Variants in GLI3 observed in about 807,000 individuals in gnomAD.
The protein encoded by GLI3 is GLI family zinc finger 3.
In GLI3, 20 loss-of-function variants were observed where a neutral mutation model predicts 100.8. The observed-to-expected ratio is 0.20, with a 90% CI of 0.14 to 0.29. GLI3 has a LOEUF of 0.29. Ranked by LOEUF, GLI3 falls within the 10% of genes least tolerant of loss-of-function variation. GLI3 has a pLI of 1.00. For missense variants in GLI3, 2,040 were observed against 2,128.5 expected (o/e 0.96, Z 0.82); for synonymous variants, 938 against 860.5 (o/e 1.09, Z -1.58).
chr7:41,971,540 G>C (rs1297101312), intron 13 of GLI3, among the ~76,000 whole-genome samples: 4 of 152,138 alleles, frequency 2.6e-5, no homozygotes, highest in Non-Finnish European at 5.9e-5. Flanking sequence ...TGAAAGAGTA[G>C]CAGAGCCCAC....
chr7:42,155,150 C>T (rs1469744781), intron 2 of GLI3, among the ~76,000 whole-genome samples: 2 of 152,162 alleles, frequency 1.3e-5, no homozygotes, highest in African/African-American at 2.4e-5. Flanking sequence ...AGAAAATGCT[C>T]TCCATCAGGC....
At chr7:42,193,051 G>C (rs1344815432) in intron 2 of GLI3, among the ~76,000 whole-genome samples, 1 of 152,092 alleles carries the variant, frequency 6.6e-6, no homozygotes, top group African/African-American at 2.4e-5. Flanking sequence ...CAAAAAAGGG[G>C]GGAAACGACC....
rs567043110 is a variant in GLI3, at chr7:42,111,324, G to A, written c.368-34467C>T. ...GCTCAGGTGAGGCAAGTTCAGCAGTGTGAGAGTGTTCTCATAGGTGCCAAG... is the reference window on the plus strand; with the variant it reads ...GCTCAGGTGAGGCAAGTTCAGCAGTATGAGAGTGTTCTCATAGGTGCCAAG... On this transcript the variant is annotated intron_variant, in intron 3 of 14. Transcript: ENST00000395925. Among the ~76,000 whole-genome samples the A allele has an allele frequency of 2.0e-5, 3 of 152,288 alleles. No homozygotes were observed. In the South Asian group the frequency reaches 6.2e-4, roughly 32 times the overall value.
At chr7:42,190,971 A>T (rs35691190) in intron 2 of GLI3, among the ~76,000 whole-genome samples, 76,293 of 151,352 alleles carry the variant, frequency 0.5, 22,071 homozygotes, top group African/African-American at 0.81. Flanking sequence ...TACTTTTTTT[A>T]AAAAAAAGAA....
At chr7:42,172,816 G>C in intron 2 of GLI3, 1 of 572,032 alleles carries the variant, frequency 1.7e-6, no homozygotes, top group Non-Finnish European at 3.1e-6. Context: ...CTCTCAAAGA[G>C]CCATTCACCT....
At chr7:42,254,009 C>T (rs1320190289) in intron 1 of GLI3, among the ~76,000 whole-genome samples, 4 of 152,042 alleles carry the variant, frequency 2.6e-5, no homozygotes, top group African/African-American at 9.7e-5. Flanking sequence ...CACATGAGGT[C>T]GGGAGTTCAA....
At chr7:41,974,015 C>A (rs1249499000) in intron 12 of GLI3, among the ~76,000 whole-genome samples, 1 of 152,198 alleles carries the variant, frequency 6.6e-6, no homozygotes, top group African/African-American at 2.4e-5. Flanking sequence ...TGTTCTGACA[C>A]AGGCCCTATG....
chr7:41,967,512 T>C lies in GLI3; in HGVS notation c.2431+84A>G, dbSNP rs953060816. The C allele has an allele frequency of 4.8e-5, 45 of 947,226 alleles. No individual in the cohort carries two copies. In the African/African-American group the frequency reaches 5.1e-4, roughly 11 times the overall value. The allele number at this position is 947,226 out of a possible 1,614,324, so 58.7% of individuals were successfully genotyped here. A position where few individuals can be genotyped will look rare whatever the true frequency, so the allele number is the denominator to read the frequency against. The stretch of plus-strand genomic sequence containing the variant: ...GTCATTTTAGGACTGGTGGAGAAAC[T>C]AGCAAACATAAAACTGAGGGCCTGC... On this transcript the variant is annotated intron_variant, in intron 14 of 14. Coordinates refer to ENST00000395925, the MANE Select transcript of GLI3 (RefSeq NM_000168.6).
chr7:42,201,104 T>A (rs1415288742), intron 2 of GLI3, among the ~76,000 whole-genome samples: 2 of 152,292 alleles, frequency 1.3e-5, no homozygotes, highest in Non-Finnish European at 2.9e-5. Flanking sequence ...ACGATACCGT[T>A]TAGTCTATCG....
In GLI3 at chr7:42,045,381, T is replaced by C; in HGVS notation, c.826+3A>G. On this transcript the variant is annotated splice_donor_region_variant and intron_variant, in intron 6 of 14. Coordinates refer to ENST00000395925, the MANE Select transcript of GLI3 (RefSeq NM_000168.6). ...GACTCTAGAAACCAGCCCCGTCACT[T>C]ACTATCCATAGCATGAAGATATTCC... is the stretch of plus-strand genomic sequence containing the variant. 1 of 1,613,700 alleles carries C rather than the reference T, an allele frequency of 6.2e-7. No individual in the cohort carries two copies. The highest frequency in any genetic ancestry group is 8.5e-7 in the Non-Finnish European group (1 of 1,179,608).
intron 3 of GLI3, among the ~76,000 whole-genome samples, chr7:42,120,231 G>A (rs1382500825): frequency 1.3e-5 from 2 of 152,198 alleles, no homozygotes; most frequent in African/African-American, 4.8e-5. Flanking sequence ...TTGTTAAGGT[G>A]CAATTTGTGC....
At chr7:42,015,736 C>T (rs369184449) in intron 10 of GLI3, among the ~76,000 whole-genome samples, 49 of 151,980 alleles carry the variant, frequency 3.2e-4, no homozygotes, top group African/African-American at 8.2e-4. Context: ...AGTTTACACA[C>T]GCACACACAC....
intron 1 of GLI3, among the ~76,000 whole-genome samples, chr7:42,249,305 C>T (rs1412420793): frequency 6.6e-6 from 1 of 152,164 alleles, no homozygotes. Flanking sequence ...GTAATCTCTA[C>T]CGATGGACAC....
At chr7:41,978,540 C>T in intron 11 of GLI3, 59 bp downstream of exon 11, 1 of 1,549,046 alleles carries the variant, frequency 6.5e-7, no homozygotes, top group Middle Eastern at 1.7e-4. Flanking sequence ...TCAGTTTGCA[C>T]AGCTCTTATG....
intron 1 of GLI3, among the ~76,000 whole-genome samples, chr7:42,254,006 G>C (rs1198564241): frequency 6.6e-6 from 1 of 152,104 alleles, no homozygotes; most frequent in Admixed American, 6.5e-5. Context: ...GATCACATGA[G>C]GTCGGGAGTT....
chr7:42,169,634 G>A lies in GLI3; in HGVS notation c.125-21166C>T, dbSNP rs1241321010. Among the ~76,000 whole-genome samples, 6 of 152,028 alleles carry A rather than the reference G, an allele frequency of 3.9e-5. No homozygotes were observed. In the East Asian group the frequency reaches 9.7e-4, roughly 24 times the overall value. Reference sequence around the variant, plus strand: ...GGTACATACCCAAAGAAGTAATTCAGGTTCTATGCAAAGACTTCCCTAAAA... The same window carrying A: ...GGTACATACCCAAAGAAGTAATTCAAGTTCTATGCAAAGACTTCCCTAAAA... On this transcript the variant is annotated intron_variant, in intron 2 of 14. Transcript: ENST00000395925.
At chr7:41,983,510 C>T (rs1375588017) in intron 10 of GLI3, among the ~76,000 whole-genome samples, 3 of 152,158 alleles carry the variant, frequency 2.0e-5, no homozygotes, top group African/African-American at 7.2e-5. Context: ...ATTCAATGGG[C>T]ACGAGTTTAT....
In GLI3 at chr7:42,250,803, G is replaced by T. The variant is rs1453565900; in HGVS notation, c.-43+13191C>A. Among the ~76,000 whole-genome samples, 3 of 152,304 alleles carry T rather than the reference G, an allele frequency of 2.0e-5. No homozygotes were observed. The East Asian group carries it at 5.8e-4, about 29-fold the overall frequency. On this transcript the variant is annotated intron_variant, in intron 1 of 2. Transcript: ENST00000678978. ...ATTTTCCTTCACATAAAGGCCAGCGGGGAGTTGGGAAAGGGCGAAAGAATA... is the reference window on the plus strand; with the variant it reads ...ATTTTCCTTCACATAAAGGCCAGCGTGGAGTTGGGAAAGGGCGAAAGAATA...
intron 1 of GLI3, chr7:42,227,591 T>G (rs1373717026): frequency 6.6e-6 from 1 of 152,126 alleles, no homozygotes; most frequent in Admixed American, 6.5e-5. Context: ...AAATTATAAA[T>G]CTGAACCTGC....
Sources: gnomAD v4.1 joint callset for allele counts (sites outside exome capture counted in the v4.1 genomes callset) on GRCh38, gnomAD v4.1.1 for gene constraint, MANE v1.5 for transcripts, NCBI Gene and HGNC (gene_info 2026-07-23, HGNC 2026-07-21) for gene names.